TLL2: variants seen among roughly 807,000 people sequenced by gnomAD.
The protein encoded by TLL2 is tolloid like 2, also known as tolloid-like protein 2.
TLL2 carries 106 observed loss-of-function variants against 123.0 expected under a neutral mutation model. The ratio of observed to expected loss-of-function variants is 0.86; its 90% CI spans 0.74 to 1.01. The LOEUF (loss-of-function observed/expected upper bound fraction) is 1.01. TLL2 is among the 50% of genes least tolerant of loss of function. TLL2 has a pLI of 0.00. For missense variants in TLL2, 1,332 were observed against 1,336.7 expected (o/e 1.00, Z 0.06); for synonymous variants, 494 against 516.8 (o/e 0.96, Z 0.60).
chr10:96,447,674 A>G (rs890668703), intron 2 of TLL2, among the ~76,000 whole-genome samples: 2 of 152,206 alleles, frequency 1.3e-5, no homozygotes, highest in African/African-American at 4.8e-5. Context: ...CACACACGAA[A>G]CCACATCAAA....
At chr10:96,381,250 C>A (rs1176276469) in intron 16 of TLL2, among the ~76,000 whole-genome samples, 2 of 152,248 alleles carry the variant, frequency 1.3e-5, no homozygotes, top group African/African-American at 4.8e-5. Flanking sequence ...TCTACACTGC[C>A]TGGCATGGCT....
chr10:96,433,650 T>C (rs1473360388), intron 3 of TLL2, among the ~76,000 whole-genome samples: 1 of 152,226 alleles, frequency 6.6e-6, no homozygotes, highest in Non-Finnish European at 1.5e-5. Flanking sequence ...TCAGATAATT[T>C]AAAATTTTGT....
intron 2 of TLL2, among the ~76,000 whole-genome samples, chr10:96,458,024 C>A (rs1847034087): frequency 6.6e-6 from 1 of 152,084 alleles, no homozygotes; most frequent in African/African-American, 2.4e-5. Flanking sequence ...CGGTGCCTGG[C>A]CTATAAGAGG....
intron 2 of TLL2, among the ~76,000 whole-genome samples, chr10:96,447,104 G>C (rs1441200524): frequency 6.6e-6 from 1 of 152,226 alleles, no homozygotes; most frequent in East Asian, 1.9e-4. Context: ...AGTGAGATCT[G>C]AAAGGCAGGA....
rs796214964 is a variant in TLL2, at chr10:96,460,010, A to C, written c.287-13842T>G. On this transcript the variant is annotated intron_variant, in intron 2 of 20. Coordinates refer to ENST00000357947, the MANE Select transcript of TLL2 (RefSeq NM_012465.4). ...ATTTCCCAAAGCTTCAGTAAGAATA[A>C]TTTTTTTTAAGTTTAGAAGTTTAAG... is the stretch of plus-strand genomic sequence containing the variant. Among the ~76,000 whole-genome samples the C allele has an allele frequency of 4.0e-4, 61 of 151,596 alleles. 1 individual carries two copies. In the Middle Eastern group the frequency reaches 0.014, roughly 34 times the overall value.
chr10:96,385,909 C>T (rs1475770866), intron 15 of TLL2, 146 bp downstream of exon 15: 9 of 780,782 alleles, frequency 1.2e-5, no homozygotes, highest in Admixed American at 4.1e-5. Context: ...AAAACATTCC[C>T]CCAGATTCTG....
intron 17 of TLL2, among the ~76,000 whole-genome samples, chr10:96,378,291 G>A (rs1336807227): frequency 1.3e-5 from 2 of 152,242 alleles, no homozygotes; most frequent in Non-Finnish European, 2.9e-5. Context: ...CCAAGGCCTG[G>A]AAGCCTGTGT....
In TLL2 at chr10:96,395,948, G is replaced by A; in HGVS notation, c.1457C>T (p.Pro486Leu). ...QSPNYPDDYR[P>L]SKECVWRITV... The stretch of plus-strand genomic sequence containing the variant: ...AATCCTCCAGACACATTCCTTGGAA[G>A]GTCTGTAGTCATCCGGATAGTTGGG... Residue 486 changes from proline to leucine, a missense_variant, in exon 12 of 21, where the codon CCT becomes CTT. By Grantham distance (98) the Pro-to-Leu change is moderately conservative (BLOSUM62 -3). Transcript: ENST00000357947. 4 of 1,614,178 alleles carry A rather than the reference G, an allele frequency of 2.5e-6. No individual in the cohort carries two copies. The highest frequency in any genetic ancestry group is 3.4e-6 in the Non-Finnish European group (4 of 1,180,040).
At chr10:96,415,729 G>GTCTCTC (rs149968045) in intron 7 of TLL2, among the ~76,000 whole-genome samples, 3 of 8,580 alleles carry the variant, frequency 3.5e-4, no homozygotes, top group Non-Finnish European at 6.5e-4. Context: ...CTCTCTCTCT[G>GTCTCTC]TCTCTCTCTG....
chr10:96,437,543 C>A (rs1189390716), intron 3 of TLL2, among the ~76,000 whole-genome samples: 1 of 152,084 alleles, frequency 6.6e-6, no homozygotes, highest in Non-Finnish European at 1.5e-5. Flanking sequence ...ACAATATCTA[C>A]CCCTCTTTCC....
intron 13 of TLL2, among the ~76,000 whole-genome samples, chr10:96,389,028 CT>C (rs71668412): frequency 0.057 from 8,665 of 152,308 alleles, 518 homozygotes; most frequent in African/African-American, 0.15. Context: ...TGTGCAGTTA[CT>C]TTTTTTATCA....
At chr10:96,504,956 C>T (rs550316216) in intron 1 of TLL2, among the ~76,000 whole-genome samples, 10 of 152,210 alleles carry the variant, frequency 6.6e-5, no homozygotes, top group African/African-American at 1.7e-4. Flanking sequence ...TTCAGTGAGC[C>T]GAGATCGCAC....
At chr10:96,383,559 G>A (rs1383450207) in intron 16 of TLL2, among the ~76,000 whole-genome samples, 1 of 152,130 alleles carries the variant, frequency 6.6e-6, no homozygotes, top group Non-Finnish European at 1.5e-5. Flanking sequence ...TGCCATGATT[G>A]TGAGGCCTCC....
intron 1 of TLL2, among the ~76,000 whole-genome samples, chr10:96,502,423 G>A (rs142002652): frequency 6.6e-6 from 1 of 152,340 alleles, no homozygotes; most frequent in East Asian, 1.9e-4. Flanking sequence ...AGCCACTACT[G>A]CAGCAGCCCA....
At chr10:96,387,150 C>A in intron 13 of TLL2, 72 bp from the exon 14 acceptor site, 1 of 1,573,836 alleles carries the variant, frequency 6.4e-7, no homozygotes, top group Non-Finnish European at 8.7e-7. Context: ...CCTTGCATAT[C>A]CCAGTGTCAC....
Position 96,415,567 on chromosome 10 carries a change from C to T in TLL2, c.924-2251G>A, listed in dbSNP as rs1846547204. Among the ~76,000 whole-genome samples the T allele has an allele frequency of 2.0e-5, 3 of 151,424 alleles. No homozygotes were observed. In the South Asian group the frequency reaches 6.3e-4, roughly 32 times the overall value. Reference sequence around the variant, plus strand: ...GGTGTTTTATCTCTGTCCTTAGAAACTACAGCACAGCAGACCTCAAAAAAT... The same window carrying T: ...GGTGTTTTATCTCTGTCCTTAGAAATTACAGCACAGCAGACCTCAAAAAAT... On this transcript the variant is annotated intron_variant, in intron 7 of 20. Transcript: ENST00000357947.
At chr10:96,378,859 G>A in intron 17 of TLL2, 108 bp downstream of exon 17, 3 of 1,438,742 alleles carry the variant, frequency 2.1e-6, no homozygotes, top group Non-Finnish European at 2.9e-6. Context: ...CAGCTCAGAA[G>A]GTGGAAGAGG....
At chr10:96,476,216 TTATATGTA>T (rs1847244731) in intron 2 of TLL2, among the ~76,000 whole-genome samples, 4 of 33,334 alleles carry the variant, frequency 1.2e-4, no homozygotes, top group African/African-American at 1.7e-4. Flanking sequence ...CTTTTTAATT[TTATATGTA>T]TATATATATA....
intron 4 of TLL2, among the ~76,000 whole-genome samples, chr10:96,430,598 G>A (rs1846728167): frequency 6.6e-6 from 1 of 152,242 alleles, no homozygotes; most frequent in East Asian, 1.9e-4. Context: ...AATAACAGCT[G>A]GGCATGGTGA....
Sources: allele counts gnomAD v4.1 joint callset (sites outside exome capture counted in the v4.1 genomes callset), GRCh38; gene constraint gnomAD v4.1.1; transcripts MANE v1.5; gene names NCBI Gene and HGNC (gene_info 2026-07-23, HGNC 2026-07-21).